The following EGFR variants were observed in gnomAD, a reference collection of about 807,000 sequenced individuals.
EGFR encodes the protein epidermal growth factor receptor.
A neutral mutation model predicts 143.0 loss-of-function variants in EGFR; 58 were observed. The ratio of observed to expected loss-of-function variants is 0.41; its 90% CI spans 0.33 to 0.50. The LOEUF (loss-of-function observed/expected upper bound fraction) is 0.50. Among genes scored for constraint, EGFR ranks in the 20% least tolerant of loss-of-function variants. EGFR has a pLI of 0.39. For missense variants in EGFR, 1,307 were observed against 1,579.0 expected (o/e 0.83, Z 2.92); for synonymous variants, 613 against 594.4 (o/e 1.03, Z -0.45).
At chr7:55,092,794 C>T (rs1027465930) in intron 1 of EGFR, among the ~76,000 whole-genome samples, 3 of 152,250 alleles carry the variant, frequency 2.0e-5, no homozygotes, top group South Asian at 2.1e-4. Context: ...GCAGGGCCAG[C>T]GGGCGGTGTG....
chr7:55,076,664 C>T (rs977158532), intron 1 of EGFR, among the ~76,000 whole-genome samples: 3 of 152,170 alleles, frequency 2.0e-5, no homozygotes, highest in Non-Finnish European at 4.4e-5. Flanking sequence ...ATGAAACCTA[C>T]TTATTGTGCA....
At chr7:55,133,612 T>A (rs1456751929) in intron 1 of EGFR, among the ~76,000 whole-genome samples, 1 of 152,192 alleles carries the variant, frequency 6.6e-6, no homozygotes, top group Non-Finnish European at 1.5e-5. Context: ...TTGGTGATAA[T>A]CATGCAATCT....
intron 20 of EGFR, among the ~76,000 whole-genome samples, chr7:55,189,101 TGTG>T: frequency 1.9e-4 from 1 of 5,142 alleles, no homozygotes; most frequent in Non-Finnish European, 4.6e-4. Context: ...ACACATAATG[TGTG>T]TGTGTGTGTG....
chr7:55,134,391 A>T (rs1794024145), intron 1 of EGFR, among the ~76,000 whole-genome samples: 1 of 152,120 alleles, frequency 6.6e-6, no homozygotes, highest in Admixed American at 6.5e-5. Context: ...TTCAGGACAC[A>T]GTGAGGCCCA....
intron 15 of EGFR, among the ~76,000 whole-genome samples, chr7:55,169,871 A>G (rs185973163): frequency 2.2e-4 from 33 of 152,352 alleles, no homozygotes; most frequent in African/African-American, 7.7e-4. Flanking sequence ...CAGAGCCTGC[A>G]TAAGACTGCA....
intron 1 of EGFR, among the ~76,000 whole-genome samples, chr7:55,116,317 C>T (rs1199166663): frequency 6.6e-6 from 1 of 152,156 alleles, no homozygotes; most frequent in African/African-American, 2.4e-5. Context: ...CACATCCCAC[C>T]CCTGGCCGCT....
chr7:55,159,781 G>A lies in EGFR; in HGVS notation c.1299-358G>A, dbSNP rs17336751. Among the ~76,000 whole-genome samples the A allele has an allele frequency of 8.2e-3, 1,244 of 152,348 alleles. 23 individuals carry two copies. The highest frequency in any genetic ancestry group is 0.028 in the African/African-American group (1,163 of 41,584). On this transcript the variant is annotated intron_variant, in intron 11 of 27. Coordinates refer to ENST00000275493, the MANE Select transcript of EGFR (RefSeq NM_005228.5). ...AGAGGGACAGGTTGGGTGGTGGATA[G>A]ATGGATGAACCCACACCTTTGAAGT...
At chr7:55,106,049 C>T (rs1391384791) in intron 1 of EGFR, among the ~76,000 whole-genome samples, 1 of 152,194 alleles carries the variant, frequency 6.6e-6, no homozygotes, top group Non-Finnish European at 1.5e-5. Context: ...GGAGTTGTAT[C>T]AGGTAGTGCA....
chr7:55,193,262 T>C (rs1787479913), intron 22 of EGFR, among the ~76,000 whole-genome samples: 1 of 152,170 alleles, frequency 6.6e-6, no homozygotes, highest in South Asian at 2.1e-4. Flanking sequence ...CTGGCCCTTA[T>C]GTGTCAGAGA....
At position 55,146,674 on chromosome 7, in the gene EGFR, C is replaced by T. The variant is rs587778252; in HGVS notation, c.493C>T (p.Arg165Trp). 1.4e-4 allele frequency: 224 copies of T among 1,613,960 alleles called. No homozygotes were observed. Among genetic ancestry groups the T allele is most frequent in the Non-Finnish European group, 1.8e-4 (213 of 1,179,978 alleles). Reference sequence around the variant, plus strand: ...GTGCAACGTGGAGAGCATCCAGTGGCGGGACATAGTCAGCAGTGACTTTCT... The same window carrying T: ...GTGCAACGTGGAGAGCATCCAGTGGTGGGACATAGTCAGCAGTGACTTTCT... Reference protein sequence around the residue: ...ALCNVESIQWRDIVSSDFLSN... With the variant: ...ALCNVESIQWWDIVSSDFLSN... Residue 165 changes from arginine to tryptophan, a missense_variant, in exon 4 of 28, where the codon CGG becomes TGG. Arg to Trp is a moderately radical substitution (Grantham distance 101). Around this residue, in one of 7 missense-constraint regions of EGFR, gnomAD observed 311 missense variants for 412.3 expected, o/e 0.75. Transcript: ENST00000275493.
At chr7:55,121,247 A>G (rs1019780784) in intron 1 of EGFR, among the ~76,000 whole-genome samples, 6 of 152,224 alleles carry the variant, frequency 3.9e-5, no homozygotes, top group African/African-American at 1.4e-4. Context: ...AAACTCTGAT[A>G]TGGAAGAGAA....
In EGFR at chr7:55,156,666, C is replaced by G. The variant is rs748360099; in HGVS notation, c.1133+7C>G. 4 of 1,614,196 alleles carry G rather than the reference C, an allele frequency of 2.5e-6. No homozygotes were observed. Among genetic ancestry groups the G allele is most frequent in the Non-Finnish European group, 3.4e-6 (4 of 1,180,040 alleles). Reference sequence around the variant, plus strand: ...TGCCGGTGGCATTTAGGGGGTGAGTCACAGGTTCAGTTGCTTGTATAAAGA... The same window carrying G: ...TGCCGGTGGCATTTAGGGGGTGAGTGACAGGTTCAGTTGCTTGTATAAAGA... On this transcript the variant is annotated splice_region_variant and intron_variant, in intron 9 of 27. Transcript: ENST00000275493.
chr7:55,114,818 C>G (rs1792730645), intron 1 of EGFR, among the ~76,000 whole-genome samples: 1 of 150,028 alleles, frequency 6.7e-6, no homozygotes, highest in Non-Finnish European at 1.5e-5. Context: ...TAAATATCAG[C>G]TTTTGAGAGA....
At chr7:55,170,230 A>G in intron 15 of EGFR, 1 of 1,611,780 alleles carries the variant, frequency 6.2e-7, no homozygotes, top group Non-Finnish European at 8.5e-7. Flanking sequence ...AGAAACTGTT[A>G]GGATCAGATT....
intron 27 of EGFR, among the ~76,000 whole-genome samples, chr7:55,204,517 A>G (rs1440462663): frequency 6.8e-6 from 1 of 146,736 alleles, no homozygotes; most frequent in Admixed American, 6.8e-5. Flanking sequence ...ACACAAACAT[A>G]TACACCCCAC....
intron 27 of EGFR, among the ~76,000 whole-genome samples, chr7:55,204,690 CAGACACACAT>C (rs1300929200): frequency 1.5e-5 from 2 of 131,022 alleles, no homozygotes; most frequent in Admixed American, 1.6e-4. Flanking sequence ...ACACACACCA[CAGACACACAT>C]AGACACACCA....
chr7:55,127,564 C>T (rs929767859), intron 1 of EGFR, among the ~76,000 whole-genome samples: 9 of 151,250 alleles, frequency 6.0e-5, no homozygotes, highest in African/African-American at 1.9e-4. Flanking sequence ...GAAACTTTCT[C>T]GGCTTCAAGG....
At chr7:55,161,661 G>T (rs547837297) in intron 13 of EGFR, 30 bp downstream of exon 13, 5 of 1,614,052 alleles carry the variant, frequency 3.1e-6, no homozygotes, top group East Asian at 2.2e-5. Context: ...ATCCCCTTGC[G>T]TTGATCAAAA....
chr7:55,174,691 A>C, intron 18 of EGFR, 31 bp from the exon 19 acceptor site: 1 of 1,570,996 alleles, frequency 6.4e-7, no homozygotes, highest in Middle Eastern at 1.7e-4. Flanking sequence ...CACAATTGCC[A>C]GTTAACGTCT....
Sources: gnomAD v4.1 joint callset for allele counts (sites outside exome capture counted in the v4.1 genomes callset) on GRCh38, gnomAD v4.1.1 for gene constraint, gnomAD v4.1.1 regional missense constraint, MANE v1.5 for transcripts, NCBI Gene and HGNC (gene_info 2026-07-23, HGNC 2026-07-21) for gene names.